The following IQSEC1 variants were observed in gnomAD, a reference collection of about 807,000 sequenced individuals.
IQSEC1 encodes IQ motif and SEC7 domain-containing protein 1.
Under a neutral mutation model 91.0 loss-of-function variants are expected in IQSEC1, and 31 were observed. The observed-to-expected ratio is 0.34, with a 90% CI of 0.26 to 0.46. IQSEC1 has a LOEUF of 0.46. Ranked by LOEUF, IQSEC1 falls within the 20% of genes least tolerant of loss-of-function variation. The pLI is 1.00. For missense variants in IQSEC1, 1,388 were observed against 1,575.6 expected (o/e 0.88, Z 2.02); for synonymous variants, 699 against 662.6 (o/e 1.05, Z -0.84).
intron 1 of IQSEC1, among the ~76,000 whole-genome samples, chr3:12,986,249 C>T (rs1179501035): frequency 6.6e-6 from 1 of 152,218 alleles, no homozygotes; most frequent in Admixed American, 6.5e-5. Flanking sequence ...GAGGCTCTGG[C>T]TCCTGCTCTT....
chr3:13,144,263 G>A (rs966321061), intron 2 of IQSEC1, among the ~76,000 whole-genome samples: 1 of 152,224 alleles, frequency 6.6e-6, no homozygotes, highest in Non-Finnish European at 1.5e-5. Flanking sequence ...CGAGCATGCA[G>A]CTGGACTGCA....
intron 1 of IQSEC1, among the ~76,000 whole-genome samples, chr3:13,198,195 G>A (rs1336568691): frequency 1.3e-5 from 2 of 152,138 alleles, no homozygotes; most frequent in Non-Finnish European, 2.9e-5. Context: ...TTAGTCCTAC[G>A]GTCAACAAGC....
At chr3:13,231,956 C>A (rs1694845668) in intron 1 of IQSEC1, among the ~76,000 whole-genome samples, 1 of 152,254 alleles carries the variant, frequency 6.6e-6, no homozygotes, top group Non-Finnish European at 1.5e-5. Context: ...TGCTCCCACG[C>A]CGAGAGGCGG....
intron 1 of IQSEC1, among the ~76,000 whole-genome samples, chr3:13,200,251 AAC>A (rs111462856): frequency 0.14 from 20,426 of 147,060 alleles, 3,035 homozygotes; most frequent in African/African-American, 0.36. Context: ...ACCCACATAC[AAC>A]ACACACACAC....
chr3:12,906,894 C>T (rs1416639369), intron 12 of IQSEC1, among the ~76,000 whole-genome samples: 4 of 152,156 alleles, frequency 2.6e-5, no homozygotes, highest in African/African-American at 9.7e-5. Context: ...CTGCAGAGGC[C>T]CAAAGCAGTC....
intron 3 of IQSEC1, among the ~76,000 whole-genome samples, chr3:12,928,360 C>G (rs758969348): frequency 6.6e-6 from 1 of 152,148 alleles, no homozygotes; most frequent in Non-Finnish European, 1.5e-5. Flanking sequence ...AGGGCCATAC[C>G]GCAGAAGTGA....
rs139802402 is a variant in IQSEC1 at position 13,008,598 on chromosome 3, ATGT to A, written c.23+64391_23+64393del. Among the ~76,000 whole-genome samples, 2,229 of 152,026 alleles carry A rather than the reference ATGT, an allele frequency of 0.015. 53 individuals carry two copies. Among genetic ancestry groups the A allele is most frequent in the African/African-American group, 0.052 (2,134 of 41,402 alleles). ...CTCCTGCTTCATTTTCCTGACTGTGATGTTGGAAATGCTCGTTTGTGTGTTTGT... is the reference window on the plus strand; with the variant it reads ...CTCCTGCTTCATTTTCCTGACTGTGATGGAAATGCTCGTTTGTGTGTTTGT... On this transcript the variant is annotated intron_variant, in intron 1 of 13. Transcript: ENST00000613206. The surrounding 1 kb of genome is among the most constrained non-coding windows in gnomAD (Gnocchi z 4.1).
intron 1 of IQSEC1, among the ~76,000 whole-genome samples, chr3:13,250,978 G>A (rs1364008429): frequency 2.0e-5 from 3 of 152,160 alleles, no homozygotes; most frequent in Admixed American, 6.5e-5. Flanking sequence ...GCTCCCTGCC[G>A]GGGGTAAAGG....
chr3:13,216,784 C>T (rs928171219), intron 1 of IQSEC1, among the ~76,000 whole-genome samples: 2 of 152,182 alleles, frequency 1.3e-5, no homozygotes, highest in South Asian at 4.1e-4. Flanking sequence ...CTCTCTTCCC[C>T]GTGGAGAAAC....
At chr3:12,931,217 G>C (rs1367481149) in intron 3 of IQSEC1, among the ~76,000 whole-genome samples, 2 of 152,116 alleles carry the variant, frequency 1.3e-5, no homozygotes, top group African/African-American at 4.8e-5. Flanking sequence ...TCGGGATCCT[G>C]GGCTGCGGGT....
At position 12,900,985 on chromosome 3, in the gene IQSEC1, A is replaced by G; in HGVS notation, c.3343T>C (p.Ter1115GlnextTer88). 6.5e-7 allele frequency: 1 copy of G among 1,544,022 alleles called. No homozygotes were observed. Among genetic ancestry groups the G allele is most frequent in the Non-Finnish European group, 8.7e-7 (1 of 1,146,636 alleles). Residue 1115 changes from the stop codon to glutamine, a stop_lost, in exon 14 of 14, where the codon TAG becomes CAG. Transcript: ENST00000613206. ...AKPSGISTIV[*>Q] ...CCTGGGACCCCTACCCAGGCTGTCTACACAATTGTGCTGATGCCGCTGGGT... is the reference window on the plus strand; with the variant it reads ...CCTGGGACCCCTACCCAGGCTGTCTGCACAATTGTGCTGATGCCGCTGGGT...
intron 1 of IQSEC1, among the ~76,000 whole-genome samples, chr3:13,201,885 G>A (rs1008083623): frequency 6.6e-6 from 1 of 152,210 alleles, no homozygotes; most frequent in African/African-American, 2.4e-5. Context: ...TAAACCTTGT[G>A]GCTTTTTGGA....
At chr3:13,092,259 T>A (rs1006292524) in intron 2 of IQSEC1, among the ~76,000 whole-genome samples, 1 of 152,116 alleles carries the variant, frequency 6.6e-6, no homozygotes, top group Non-Finnish European at 1.5e-5. Context: ...GGTGTTTCCA[T>A]AAAGTGCTCA....
chr3:13,043,493 T>C (rs1318573605), intron 1 of IQSEC1, among the ~76,000 whole-genome samples: 1 of 152,180 alleles, frequency 6.6e-6, no homozygotes, highest in East Asian at 1.9e-4. Flanking sequence ...TTCCTGCAGC[T>C]CCGCTCCTCC....
At chr3:12,981,815 G>A (rs1159611588) in intron 1 of IQSEC1, among the ~76,000 whole-genome samples, 2 of 152,120 alleles carry the variant, frequency 1.3e-5, no homozygotes, top group Non-Finnish European at 2.9e-5. Flanking sequence ...GGTGAGCCTC[G>A]AGTCCGCCAT....
intron 1 of IQSEC1, among the ~76,000 whole-genome samples, chr3:12,995,550 C>T (rs1702194775): frequency 6.6e-6 from 1 of 152,238 alleles, no homozygotes; most frequent in African/African-American, 2.4e-5. Flanking sequence ...CACATTCACA[C>T]AGCAGCTAAG....
intron 1 of IQSEC1, among the ~76,000 whole-genome samples, chr3:13,251,166 C>CT (rs1695188547): frequency 6.6e-6 from 1 of 152,230 alleles, no homozygotes; most frequent in Admixed American, 6.5e-5. Flanking sequence ...CAGGCTGGCT[C>CT]TTCCCAGATG....
rs532651180 is a variant in IQSEC1, at chr3:13,041,935, G to A, written c.23+31057C>T. ...CTTGAGTCATCCAGCCCACGAGGTC[G>A]GAGCAAGTGTACCGGGAAAGAGCAG... is the stretch of plus-strand genomic sequence containing the variant. On this transcript the variant is annotated intron_variant, in intron 1 of 13. Coordinates refer to ENST00000613206, the MANE Select transcript of IQSEC1 (RefSeq NM_001134382.3). Among the ~76,000 whole-genome samples the A allele has an allele frequency of 1.9e-4, 29 of 152,312 alleles. No individual in the cohort carries two copies. In the South Asian group the frequency reaches 4.6e-3, roughly 24 times the overall value.
intron 2 of IQSEC1, among the ~76,000 whole-genome samples, chr3:13,087,926 A>C (rs1179808317): frequency 6.6e-6 from 1 of 152,164 alleles, no homozygotes; most frequent in African/African-American, 2.4e-5. Flanking sequence ...CTTCTGAGTT[A>C]ACATGAACCC....
Sources: allele counts gnomAD v4.1 joint callset (sites outside exome capture counted in the v4.1 genomes callset), GRCh38; gene constraint gnomAD v4.1.1; non-coding constraint Gnocchi (gnomAD v3.1); transcripts MANE v1.5; gene names NCBI Gene and HGNC (gene_info 2026-07-23, HGNC 2026-07-21).